The following KLHL29 variants were observed in gnomAD, a reference collection of about 807,000 sequenced individuals.
KLHL29 encodes kelch like family member 29, also known as kelch-like protein 29.
In KLHL29, 21 loss-of-function variants were observed where a neutral mutation model predicts 80.4. That is an observed-to-expected ratio of 0.26 (90% CI 0.19 to 0.38). KLHL29 has a LOEUF of 0.38. KLHL29 is among the 10% of genes least tolerant of loss of function. The probability of loss-of-function intolerance (pLI) is 1.00; values close to 1 mark genes in which losing one functional copy is unlikely to be tolerated. For synonymous variants in KLHL29, 511 were observed against 526.8 expected, an observed-to-expected ratio of 0.97 and a Z score of 0.41; for missense variants, 867 against 1,223.9, an observed-to-expected ratio of 0.71 and a Z score of 4.35.
At chr2:23,688,622 T>C (rs1258199429) in intron 6 of KLHL29, among the ~76,000 whole-genome samples, 1 of 151,096 alleles carries the variant, frequency 6.6e-6, no homozygotes, top group Non-Finnish European at 1.5e-5. Context: ...AGTAGGTGAC[T>C]CCAGGAAGCT....
At chr2:23,660,378 C>G (rs1670371476) in intron 5 of KLHL29, among the ~76,000 whole-genome samples, 1 of 152,232 alleles carries the variant, frequency 6.6e-6, no homozygotes, top group African/African-American at 2.4e-5. Context: ...CTTGCCCTCC[C>G]TGGGAAAGTC....
intron 1 of KLHL29, among the ~76,000 whole-genome samples, chr2:23,437,768 G>A (rs1164186300): frequency 1.3e-5 from 2 of 152,146 alleles, no homozygotes; most frequent in Non-Finnish European, 2.9e-5. Flanking sequence ...TGTTCTTTTG[G>A]CTCAGGATTG....
At chr2:23,557,352 C>T (rs1335097608) in intron 2 of KLHL29, among the ~76,000 whole-genome samples, 2 of 152,132 alleles carry the variant, frequency 1.3e-5, no homozygotes, top group African/African-American at 2.4e-5. Flanking sequence ...TCTTTCATGA[C>T]GTTTGAAAGG....
Position 23,695,509 on chromosome 2 carries a change from G to A in KLHL29, c.1543-114G>A. On this transcript the variant is annotated intron_variant, in intron 8 of 13. Coordinates refer to ENST00000486442, the MANE Select transcript of KLHL29 (RefSeq NM_052920.2). The surrounding 1 kb of genome is among the most constrained non-coding windows in gnomAD (Gnocchi z 7.6). ...GCTAGCAGAGTATCTACACTCCCAAGCCTAACACAGCCTGGAATTATCCAT... is the reference window on the plus strand; with the variant it reads ...GCTAGCAGAGTATCTACACTCCCAAACCTAACACAGCCTGGAATTATCCAT... The A allele has an allele frequency of 1.3e-6, 1 of 756,328 alleles. No homozygotes were observed. Among genetic ancestry groups the A allele is most frequent in the Non-Finnish European group, 2.1e-6 (1 of 474,422 alleles). 46.9% of individuals were successfully genotyped at this position (756,328 alleles called of 1,614,324 possible).
Position 23,665,758 on chromosome 2 carries a change from C to T in KLHL29, c.941-18641C>T, listed in dbSNP as rs532084276. Among the ~76,000 whole-genome samples, 11 of 152,210 alleles carry T rather than the reference C, an allele frequency of 7.2e-5. No individual in the cohort carries two copies. The East Asian group carries it at 2.1e-3, about 29-fold the overall frequency. ...AGGGGCACCATGCTTCTTTAAACAA[C>T]CAGGCCTAGCATGAGCTAATAGACG... is the stretch of plus-strand genomic sequence containing the variant. On this transcript the variant is annotated intron_variant, in intron 5 of 13. Transcript: ENST00000486442.
In KLHL29 at chr2:23,520,932, A is replaced by T. The variant is rs184627122; in HGVS notation, c.-45-41220A>T. Among the ~76,000 whole-genome samples, 4 of 151,994 alleles carry T rather than the reference A, an allele frequency of 2.6e-5. No individual in the cohort carries two copies. In the East Asian group the frequency reaches 7.7e-4, roughly 29 times the overall value. ...CCCGAGTTCAGGATGCATAGTTTCC[A>T]CAATTGTCTTCTTTCCTCCATATAC... is the stretch of plus-strand genomic sequence containing the variant. On this transcript the variant is annotated intron_variant, in intron 2 of 13. Transcript: ENST00000486442.
At chr2:23,426,264 T>A (rs1436909125) in intron 1 of KLHL29, among the ~76,000 whole-genome samples, 1 of 152,220 alleles carries the variant, frequency 6.6e-6, no homozygotes, top group Non-Finnish European at 1.5e-5. Flanking sequence ...CATTTATTTG[T>A]ATCTGTTCCA....
intron 1 of KLHL29, among the ~76,000 whole-genome samples, chr2:23,440,378 T>C (rs958604884): frequency 1.3e-5 from 2 of 151,574 alleles, no homozygotes; most frequent in African/African-American, 4.9e-5. Context: ...AAAAACTCTA[T>C]AAGAAAACCT....
chr2:23,684,721 C>T lies in KLHL29; in HGVS notation c.1079+184C>T, dbSNP rs1223751995. ...CTCTCACACACAGCCTCAGAGCAGC[C>T]ACTGCGCCCAGCACCCGCCCCCACC... On this transcript the variant is annotated intron_variant, in intron 6 of 13. Transcript: ENST00000486442. The surrounding 1 kb of genome is among the most constrained non-coding windows in gnomAD (Gnocchi z 4.4). Among the ~76,000 whole-genome samples the T allele has an allele frequency of 6.6e-6, 1 of 152,138 alleles. No individual in the cohort carries two copies. Among genetic ancestry groups the T allele is most frequent in the African/African-American group, 2.4e-5 (1 of 41,416 alleles).
At chr2:23,502,168 A>G (rs1028714245) in intron 2 of KLHL29, among the ~76,000 whole-genome samples, 5 of 152,180 alleles carry the variant, frequency 3.3e-5, no homozygotes, top group South Asian at 2.1e-4. Flanking sequence ...AATGTCAGAC[A>G]TTCGCAATGC....
At chr2:23,526,481 C>T (rs927975427) in intron 2 of KLHL29, among the ~76,000 whole-genome samples, 1 of 152,172 alleles carries the variant, frequency 6.6e-6, no homozygotes, top group African/African-American at 2.4e-5. Context: ...GAGCCTGAGA[C>T]GCCCTGAATT....
chr2:23,661,050 A>C (rs1480347057), intron 5 of KLHL29, among the ~76,000 whole-genome samples: 2 of 149,092 alleles, frequency 1.3e-5, no homozygotes, highest in Non-Finnish European at 3.0e-5. Flanking sequence ...AAAGAGAGAG[A>C]GAGAGAGAAG....
At position 23,600,106 on chromosome 2, in the gene KLHL29, G is replaced by A. The variant is rs146613607; in HGVS notation, c.285+37625G>A. ...TGTTAGCTAGAATGCAGCCCAAGCT[G>A]GAGGTTGGTGACACTGCAGTAATTG... On this transcript the variant is annotated intron_variant, in intron 3 of 13. Coordinates refer to ENST00000486442, the MANE Select transcript of KLHL29 (RefSeq NM_052920.2). 1.3e-3 allele frequency among the ~76,000 whole-genome samples: 204 copies of A among 152,342 alleles called. 1 individual carries two copies. Among genetic ancestry groups the A allele is most frequent in the African/African-American group, 4.5e-3 (186 of 41,582 alleles).
intron 2 of KLHL29, among the ~76,000 whole-genome samples, chr2:23,493,274 G>A (rs531472179): frequency 4.6e-5 from 7 of 152,264 alleles, no homozygotes; most frequent in African/African-American, 1.2e-4. Context: ...GATTTATGCC[G>A]TGGCCAGGCA....
intron 1 of KLHL29, among the ~76,000 whole-genome samples, chr2:23,388,403 C>A (rs1028732964): frequency 6.6e-6 from 1 of 152,092 alleles, no homozygotes; most frequent in East Asian, 1.9e-4. Context: ...AAACTATTAC[C>A]AAAGGAACCT....
At chr2:23,508,978 C>T (rs965936831) in intron 2 of KLHL29, among the ~76,000 whole-genome samples, 5 of 152,226 alleles carry the variant, frequency 3.3e-5, no homozygotes, top group African/African-American at 1.2e-4. Flanking sequence ...TCCGTTCCCT[C>T]ATCTGTAAAA....
intron 2 of KLHL29, among the ~76,000 whole-genome samples, chr2:23,508,527 GT>G (rs1434130572): frequency 6.6e-6 from 1 of 152,238 alleles, no homozygotes; most frequent in African/African-American, 2.4e-5. Flanking sequence ...CATTCTATTA[GT>G]TACAAGTGAA....
chr2:23,456,546 G>T (rs537577249), intron 1 of KLHL29, among the ~76,000 whole-genome samples: 16 of 152,380 alleles, frequency 1.1e-4, no homozygotes, highest in African/African-American at 3.8e-4. Flanking sequence ...AAGGCCACGT[G>T]ATGCGTGCGT....
At position 23,681,001 on chromosome 2, in the gene KLHL29, C is replaced by A. The variant is rs533136727; in HGVS notation, c.941-3398C>A. On this transcript the variant is annotated intron_variant, in intron 5 of 13. Transcript: ENST00000486442. The surrounding 1 kb of genome is among the most constrained non-coding windows in gnomAD (Gnocchi z 4.2). The stretch of plus-strand genomic sequence containing the variant: ...CAATCCCACACACCTCACTTGGAAG[C>A]TTCTCAGAGATCAGGGAGTGTCCTT... Among the ~76,000 whole-genome samples the A allele has an allele frequency of 3.9e-5, 6 of 152,342 alleles. No individual in the cohort carries two copies. Among genetic ancestry groups the A allele is most frequent in the African/African-American group, 1.4e-4 (6 of 41,590 alleles).
Sources: gnomAD v4.1 joint callset for allele counts (sites outside exome capture counted in the v4.1 genomes callset) on GRCh38, gnomAD v4.1.1 for gene constraint, Gnocchi (gnomAD v3.1) non-coding constraint, MANE v1.5 for transcripts, NCBI Gene and HGNC (gene_info 2026-07-23, HGNC 2026-07-21) for gene names.